The following ZC3H3 variants were observed in gnomAD, a reference collection of about 807,000 sequenced individuals.
ZC3H3 encodes the protein zinc finger CCCH domain-containing protein 3.
In ZC3H3, 36 loss-of-function variants were observed where a neutral mutation model predicts 77.3. The observed-to-expected ratio is 0.47, with a 90% confidence interval of 0.36 to 0.61. The LOEUF is 0.61. ZC3H3 is among the 20% of genes least tolerant of loss of function. The pLI is 0.00. For synonymous variants in ZC3H3, 626 were observed against 555.2 expected (o/e 1.13, Z -1.79); for missense variants, 1,331 against 1,312.2 (o/e 1.01, Z -0.22).
intron 4 of ZC3H3, among the ~76,000 whole-genome samples, chr8:143,500,488 A>G (rs1226799444): frequency 1.3e-5 from 2 of 152,232 alleles, no homozygotes; most frequent in African/African-American, 2.4e-5. Flanking sequence ...CTCTCACCAG[A>G]TGCAGAGCAA....
At chr8:143,518,444 G>A (rs573542808) in intron 3 of ZC3H3, among the ~76,000 whole-genome samples, 18 of 152,356 alleles carry the variant, frequency 1.2e-4, no homozygotes, top group African/African-American at 4.3e-4. Context: ...TCTTTGGAGA[G>A]AGTCCTGGCA....
intron 4 of ZC3H3, among the ~76,000 whole-genome samples, chr8:143,495,764 T>C (rs1345980850): frequency 3.1e-5 from 4 of 130,690 alleles, no homozygotes; most frequent in Non-Finnish European, 6.1e-5. Context: ...TTTTCTTTCT[T>C]TTTTTTTTTT....
chr8:143,441,188 G>C, intron 9 of ZC3H3, 68 bp from the exon 10 acceptor site: 5 of 1,342,244 alleles, frequency 3.7e-6, no homozygotes, highest in Non-Finnish European at 4.8e-6. Flanking sequence ...GGAAGGCAAG[G>C]AGAGCCAGGC....
chr8:143,439,993 C>A, intron 11 of ZC3H3, 48 bp downstream of exon 11: 1 of 1,448,052 alleles, frequency 6.9e-7, no homozygotes, highest in Non-Finnish European at 9.1e-7. Context: ...CTACCTGAAT[C>A]CTTGGTGAGG....
intron 10 of ZC3H3, 84 bp downstream of exon 10, chr8:143,440,852 G>A: frequency 7.7e-7 from 1 of 1,295,594 alleles, no homozygotes; most frequent in South Asian, 2.3e-5. Flanking sequence ...GTTGGCGGGA[G>A]CTCAACCAGA....
chr8:143,495,788 G>A (rs1200379781), intron 4 of ZC3H3, among the ~76,000 whole-genome samples: 1 of 145,792 alleles, frequency 6.9e-6, no homozygotes, highest in Non-Finnish European at 1.5e-5. Flanking sequence ...TAACTGTAGA[G>A]ACAGACGTCT....
chr8:143,453,906 C>T (rs1051473305), intron 9 of ZC3H3, among the ~76,000 whole-genome samples: 27 of 152,254 alleles, frequency 1.8e-4, no homozygotes, highest in Middle Eastern at 3.4e-3. Context: ...CACCAGCAGA[C>T]GTGGATCAGT....
chr8:143,540,814 G>A (rs1449335190), intron 1 of ZC3H3, among the ~76,000 whole-genome samples: 1 of 152,196 alleles, frequency 6.6e-6, no homozygotes, highest in Non-Finnish European at 1.5e-5. Flanking sequence ...AAATTAGCCA[G>A]GCGTTCTGGC....
chr8:143,471,737 G>T (rs1211084460), intron 5 of ZC3H3, among the ~76,000 whole-genome samples: 6 of 152,196 alleles, frequency 3.9e-5, no homozygotes, highest in Admixed American at 6.5e-5. Flanking sequence ...GAGCCCAGGG[G>T]GTCAGCCAGG....
intron 4 of ZC3H3, among the ~76,000 whole-genome samples, chr8:143,492,085 G>T (rs907762891): frequency 2.0e-5 from 3 of 152,220 alleles, no homozygotes; most frequent in South Asian, 2.1e-4. Context: ...CATGCGTGCC[G>T]AGAGGGAATG....
chr8:143,484,762 A>C (rs970512621), intron 4 of ZC3H3: 4 of 350,284 alleles, frequency 1.1e-5, no homozygotes, highest in African/African-American at 8.6e-5. Flanking sequence ...CTGGCCAGGA[A>C]TCCTGCCTAG....
chr8:143,482,364 CT>C (rs1349752036), intron 4 of ZC3H3, among the ~76,000 whole-genome samples: 2 of 152,250 alleles, frequency 1.3e-5, no homozygotes, highest in Non-Finnish European at 2.9e-5. Flanking sequence ...TGCTGCACCC[CT>C]GGCCCTGCGG....
intron 3 of ZC3H3, among the ~76,000 whole-genome samples, chr8:143,513,079 G>A (rs1434148953): frequency 6.6e-6 from 1 of 152,100 alleles, no homozygotes; most frequent in Non-Finnish European, 1.5e-5. Flanking sequence ...GGGGGGCGTG[G>A]GAGGAGAGCT....
At chr8:143,469,852 G>A (rs1483474855) in intron 5 of ZC3H3, among the ~76,000 whole-genome samples, 1 of 152,234 alleles carries the variant, frequency 6.6e-6, no homozygotes, top group South Asian at 2.1e-4. Flanking sequence ...TCCCAGACCA[G>A]ATCCAATTTC....
intron 4 of ZC3H3, among the ~76,000 whole-genome samples, chr8:143,501,350 C>A (rs1821519593): frequency 6.6e-6 from 1 of 152,166 alleles, no homozygotes; most frequent in South Asian, 2.1e-4. Context: ...CCCACAGGCA[C>A]AAGCCATCAC....
chr8:143,539,348 T>C (rs751515421), intron 1 of ZC3H3, 28 bp from the exon 2 acceptor site: 5 of 1,570,112 alleles, frequency 3.2e-6, no homozygotes, highest in Non-Finnish European at 4.3e-6. Context: ...CAGGCCCAGT[T>C]AGCCAGAGGG....
intron 8 of ZC3H3, among the ~76,000 whole-genome samples, chr8:143,467,125 G>A (rs917483870): frequency 2.0e-5 from 3 of 152,160 alleles, no homozygotes; most frequent in African/African-American, 7.2e-5. Flanking sequence ...GGCCGTTTGG[G>A]GCTGGCGGTG....
At chr8:143,517,613 G>A (rs895296140) in intron 3 of ZC3H3, among the ~76,000 whole-genome samples, 2 of 152,284 alleles carry the variant, frequency 1.3e-5, no homozygotes, top group African/African-American at 2.4e-5. Flanking sequence ...TGTGAACGAC[G>A]TCTCCCAAGC....
At chr8:143,471,529 GC>G (rs1486477194) in intron 5 of ZC3H3, among the ~76,000 whole-genome samples, 1 of 147,396 alleles carries the variant, frequency 6.8e-6, no homozygotes, top group African/African-American at 2.7e-5. Flanking sequence ...TGGGGCCTCT[GC>G]CCCACCACAG....
Sources: gnomAD v4.1 joint callset for allele counts (sites outside exome capture counted in the v4.1 genomes callset) on GRCh38, gnomAD v4.1.1 for gene constraint, MANE v1.5 for transcripts, NCBI Gene and HGNC (gene_info 2026-07-23, HGNC 2026-07-21) for gene names.